The following PRR5L variants were observed in gnomAD, a reference collection of about 807,000 sequenced individuals.
The protein encoded by PRR5L is proline rich 5 like.
In PRR5L, 21 loss-of-function variants were observed where a neutral mutation model predicts 36.4. The ratio of observed to expected loss-of-function variants is 0.58; its 90% confidence interval spans 0.41 to 0.83. The LOEUF is 0.83. Among genes scored for constraint, PRR5L ranks in the 40% least tolerant of loss-of-function variants. The pLI is 0.00. For synonymous variants in PRR5L, 188 were observed against 197.0 expected, an observed-to-expected ratio of 0.95 and a Z score of 0.38; for missense variants, 381 against 473.3, an observed-to-expected ratio of 0.80 and a Z score of 1.81.
At chr11:36,357,549 T>A (rs749281932) in intron 1 of PRR5L, among the ~76,000 whole-genome samples, 6 of 152,170 alleles carry the variant, frequency 3.9e-5, no homozygotes, top group Non-Finnish European at 8.8e-5. Context: ...TTGAAGTCAG[T>A]CCTCATTTAC....
intron 1 of PRR5L, among the ~76,000 whole-genome samples, chr11:36,315,788 A>G (rs1856549686): frequency 6.6e-6 from 1 of 152,258 alleles, no homozygotes; most frequent in Non-Finnish European, 1.5e-5. Flanking sequence ...TGTAAAGGAT[A>G]TGCAAAAACC....
chr11:36,422,812 T>A lies in PRR5L; in HGVS notation c.294+3509T>A, dbSNP rs140894895. Among the ~76,000 whole-genome samples, 752 of 152,260 alleles carry A rather than the reference T, an allele frequency of 4.9e-3. 14 individuals carry two copies. Among genetic ancestry groups the A allele is most frequent in the East Asian group, 0.043 (222 of 5,178 alleles). On this transcript the variant is annotated intron_variant, in intron 4 of 8. Transcript: ENST00000530639. ...GTCTCTGACATTTCCAGTATTGATT[T>A]TTTTCCCTTTCCCTCTGTTTTGAAT...
At chr11:36,325,164 G>A (rs576967456) in intron 1 of PRR5L, among the ~76,000 whole-genome samples, 27 of 152,286 alleles carry the variant, frequency 1.8e-4, no homozygotes, top group African/African-American at 6.3e-4. Context: ...AGAAGCCATG[G>A]GTCACGGAAG....
chr11:36,369,720 G>A (rs1292485179), intron 1 of PRR5L, among the ~76,000 whole-genome samples: 1 of 151,976 alleles, frequency 6.6e-6, no homozygotes, highest in African/African-American at 2.4e-5. Context: ...TCAGCCTCCC[G>A]AGTAGCTGGG....
At chr11:36,356,264 T>C (rs187343142) in intron 1 of PRR5L, among the ~76,000 whole-genome samples, 1 of 152,260 alleles carries the variant, frequency 6.6e-6, no homozygotes, top group East Asian at 1.9e-4. Context: ...ATGATGGCTG[T>C]CACTAGTAGG....
At chr11:36,338,158 G>A (rs1022163894) in intron 1 of PRR5L, among the ~76,000 whole-genome samples, 1 of 152,246 alleles carries the variant, frequency 6.6e-6, no homozygotes, top group African/African-American at 2.4e-5. Context: ...AGGAAGAAGG[G>A]GAGACATCTA....
chr11:36,372,649 G>T, intron 1 of PRR5L, among the ~76,000 whole-genome samples: 1 of 152,160 alleles, frequency 6.6e-6, no homozygotes, highest in Middle Eastern at 3.2e-3. Flanking sequence ...GCAGGGAGTG[G>T]CTGGGATTGT....
intron 1 of PRR5L, among the ~76,000 whole-genome samples, chr11:36,306,552 T>A (rs1199854525): frequency 6.6e-6 from 1 of 152,246 alleles, no homozygotes; most frequent in African/African-American, 2.4e-5. Context: ...TTTGAATCTA[T>A]GTACCTACTA....
chr11:36,440,952 T>C (rs1858708812), intron 6 of PRR5L, among the ~76,000 whole-genome samples: 1 of 152,148 alleles, frequency 6.6e-6, no homozygotes, highest in Admixed American at 6.5e-5. Flanking sequence ...GAGTGAGAGC[T>C]CACTCATTAC....
At chr11:36,425,061 A>T (rs546029205) in intron 4 of PRR5L, among the ~76,000 whole-genome samples, 2 of 152,214 alleles carry the variant, frequency 1.3e-5, no homozygotes, top group South Asian at 4.1e-4. Flanking sequence ...ACCTCAGGTG[A>T]TCCACCCGCC....
At chr11:36,404,160 T>C (rs949167136) in intron 3 of PRR5L, among the ~76,000 whole-genome samples, 4 of 151,982 alleles carry the variant, frequency 2.6e-5, no homozygotes, top group Non-Finnish European at 4.4e-5. Context: ...GCACCAGAAG[T>C]TGAGTAGTTG....
chr11:36,347,159 G>A (rs1370565848), intron 1 of PRR5L, among the ~76,000 whole-genome samples: 3 of 152,054 alleles, frequency 2.0e-5, no homozygotes, highest in African/African-American at 7.2e-5. Context: ...TTGGCAGTAG[G>A]GTGATTATTC....
At chr11:36,395,212 T>A (rs1040503289) in intron 1 of PRR5L, among the ~76,000 whole-genome samples, 1 of 152,186 alleles carries the variant, frequency 6.6e-6, no homozygotes, top group Non-Finnish European at 1.5e-5. Flanking sequence ...CATAGGGGAC[T>A]GGTTAAATAA....
At chr11:36,303,447 A>G (rs1856398120) in intron 1 of PRR5L, among the ~76,000 whole-genome samples, 1 of 152,218 alleles carries the variant, frequency 6.6e-6, no homozygotes, top group Non-Finnish European at 1.5e-5. Context: ...ATCCCCTTCA[A>G]CTGTGAGGAG....
intron 4 of PRR5L, among the ~76,000 whole-genome samples, chr11:36,427,790 TC>T (rs896879935): frequency 6.6e-6 from 1 of 152,132 alleles, no homozygotes; most frequent in African/African-American, 2.4e-5. Context: ...TGAATGCCAT[TC>T]TTCTCACCAC....
Position 36,463,529 on chromosome 11 carries a change from A to G in PRR5L, c.*793A>G, listed in dbSNP as rs553723495. The G allele has an allele frequency of 8.5e-5, 13 of 152,578 alleles. No homozygotes were observed. The highest frequency in any genetic ancestry group is 3.9e-4 in the Admixed American group (6 of 15,288). 9.5% of individuals were successfully genotyped at this position (152,578 alleles called of 1,614,324 possible). A position where few individuals can be genotyped will look rare whatever the true frequency, so the allele number is the denominator to read the frequency against. On this transcript the variant is annotated 3_prime_UTR_variant, in exon 9 of 9. Coordinates refer to ENST00000530639, the MANE Select transcript of PRR5L (RefSeq NM_001160167.2). ...GCCTCTTGTCTCTCTCATTTCAGAA[A>G]CGGACTTTCTCATCATGCTTTCCTA...
At chr11:36,342,791 T>C (rs1259720655) in intron 1 of PRR5L, among the ~76,000 whole-genome samples, 1 of 152,132 alleles carries the variant, frequency 6.6e-6, no homozygotes, top group Non-Finnish European at 1.5e-5. Context: ...TCCCTTTAAA[T>C]ATAGCCGCAC....
At chr11:36,426,829 T>C (rs744895) in intron 4 of PRR5L, among the ~76,000 whole-genome samples, 34,178 of 152,162 alleles carry the variant, frequency 0.22, 4,163 homozygotes, top group East Asian at 0.37. Context: ...GCAGCCTTAG[T>C]GTTTACAGAA....
At chr11:36,409,037 A>T (rs1456502109) in intron 3 of PRR5L, among the ~76,000 whole-genome samples, 1 of 152,050 alleles carries the variant, frequency 6.6e-6, no homozygotes, top group East Asian at 1.9e-4. Flanking sequence ...TGAGAGAGGA[A>T]CTGGGCAGGT....
Sources: allele counts gnomAD v4.1 joint callset (sites outside exome capture counted in the v4.1 genomes callset), GRCh38; gene constraint gnomAD v4.1.1; transcripts MANE v1.5; gene names NCBI Gene and HGNC (gene_info 2026-07-23, HGNC 2026-07-21).